The following MPP4 variants were observed in gnomAD, a reference collection of about 807,000 sequenced individuals.
The protein encoded by MPP4 is MAGUK p55 subfamily member 4.
A neutral mutation model predicts 98.3 loss-of-function variants in MPP4; 91 were observed. The observed-to-expected ratio is 0.93, with a 90% CI of 0.78 to 1.10. MPP4 has a LOEUF of 1.10. MPP4 is among the 50% of genes least tolerant of loss of function. MPP4 has a pLI of 0.00. For synonymous variants in MPP4, 261 were observed against 271.8 expected, an observed-to-expected ratio of 0.96 and a Z score of 0.39; for missense variants, 744 against 792.9, an observed-to-expected ratio of 0.94 and a Z score of 0.74.
chr2:201,680,612 A>G (rs1688638346), intron 10 of MPP4: 1 of 495,364 alleles, frequency 2.0e-6, no homozygotes, highest in African/African-American at 1.9e-5. Context: ...TTAGTTTCCC[A>G]AGACTTTTCC....
intron 2 of MPP4, 97 bp downstream of exon 2, chr2:201,693,779 C>G: frequency 7.0e-7 from 1 of 1,421,772 alleles, no homozygotes; most frequent in Non-Finnish European, 9.9e-7. Context: ...TCATAGGGAT[C>G]ACAGTAAGTC....
At position 201,681,551 on chromosome 2, in the gene MPP4, G is replaced by C; in HGVS notation, c.677C>G (p.Thr226Arg). The change falls in exon 9 of 22, where the codon ACA becomes AGA. Residue 226 changes from threonine to arginine, a missense_variant. By Grantham distance (71) the Thr-to-Arg change is moderately conservative. Coordinates refer to ENST00000409474, the MANE Select transcript of MPP4 (RefSeq NM_033066.3). ...GACTGGAACCACCTTGAACATGATTGTGCCTCGAGACATGGCCTGGAAAAT... is the reference window on the plus strand; with the variant it reads ...GACTGGAACCACCTTGAACATGATTCTGCCTCGAGACATGGCCTGGAAAAT... ...VIHILAMSRG[T>R]IMFKVVPVSD... 6.2e-7 allele frequency: 1 copy of C among 1,613,616 alleles called. No homozygotes were observed. Among genetic ancestry groups the C allele is most frequent in the African/African-American group, 1.3e-5 (1 of 74,960 alleles).
chr2:201,683,315 T>A (rs749165810), intron 7 of MPP4, among the ~76,000 whole-genome samples: 1 of 152,154 alleles, frequency 6.6e-6, no homozygotes, highest in African/African-American at 2.4e-5. Flanking sequence ...AAGTGAAGAC[T>A]TGAGAAATGT....
intron 19 of MPP4, 73 bp from the exon 20 acceptor site, chr2:201,649,757 A>G: frequency 1.0e-6 from 1 of 981,270 alleles, no homozygotes; most frequent in Non-Finnish European, 1.6e-6. Flanking sequence ...ATGAGGATAA[A>G]CTGCACTAGA....
intron 4 of MPP4, among the ~76,000 whole-genome samples, chr2:201,689,353 G>T (rs963901859): frequency 6.6e-6 from 1 of 152,108 alleles, no homozygotes; most frequent in African/African-American, 2.4e-5. Context: ...CAAAAAAAGA[G>T]CTTTGGTGTT....
At chr2:201,648,925 A>G (rs1486180854) in intron 20 of MPP4, among the ~76,000 whole-genome samples, 2 of 152,186 alleles carry the variant, frequency 1.3e-5, no homozygotes, top group African/African-American at 2.4e-5. Flanking sequence ...TTAACCAGGC[A>G]TGGTGGCTTG....
At chr2:201,697,738 C>G (rs1469021663) in intron 1 of MPP4, among the ~76,000 whole-genome samples, 2 of 152,318 alleles carry the variant, frequency 1.3e-5, no homozygotes, top group African/African-American at 4.8e-5. Flanking sequence ...CTTTCCCTAT[C>G]AAACTTTAAA....
At chr2:201,672,370 T>C (rs1688367135) in intron 11 of MPP4, among the ~76,000 whole-genome samples, 1 of 152,008 alleles carries the variant, frequency 6.6e-6, no homozygotes, top group African/African-American at 2.4e-5. Context: ...TTCAAAAATC[T>C]AGCAGAAGAC....
intron 5 of MPP4, among the ~76,000 whole-genome samples, chr2:201,687,015 A>AT (rs1688857907): frequency 6.6e-6 from 1 of 152,174 alleles, no homozygotes; most frequent in African/African-American, 2.4e-5. Flanking sequence ...GCTACCCAAG[A>AT]TTTTTGGATG....
chr2:201,677,247 T>C (rs1249322450), intron 10 of MPP4, among the ~76,000 whole-genome samples: 2 of 152,164 alleles, frequency 1.3e-5, no homozygotes, highest in African/African-American at 4.8e-5. Flanking sequence ...TCTTACAAAA[T>C]GCTATCCTGT....
intron 7 of MPP4, among the ~76,000 whole-genome samples, chr2:201,684,433 T>C (rs1326376886): frequency 6.6e-6 from 1 of 152,174 alleles, no homozygotes; most frequent in East Asian, 1.9e-4. Flanking sequence ...GTTAGTTTCA[T>C]AATCTCTTTG....
chr2:201,652,255 TG>T (rs1428084189), intron 18 of MPP4, among the ~76,000 whole-genome samples: 2 of 151,754 alleles, frequency 1.3e-5, no homozygotes, highest in African/African-American at 4.8e-5. Context: ...GTTCAGGAGT[TG>T]GAGAACAGAC....
At chr2:201,685,265 C>CT (rs1390702632) in intron 6 of MPP4, 120 bp from the exon 7 acceptor site, 6 of 186,542 alleles carry the variant, frequency 3.2e-5, no homozygotes, top group Non-Finnish European at 1.7e-5. Context: ...TCAATCAATG[C>CT]AGCTCTGGTC....
intron 1 of MPP4, among the ~76,000 whole-genome samples, chr2:201,697,152 C>A (rs991559744): frequency 6.6e-5 from 10 of 152,190 alleles, no homozygotes; most frequent in Non-Finnish European, 1.2e-4. Context: ...CATCTGAAAG[C>A]CAGGAAGAGA....
At position 201,692,778 on chromosome 2, in the gene MPP4, G is replaced by A; in HGVS notation, c.201+130C>T. On this transcript the variant is annotated intron_variant, in intron 3 of 21. Transcript: ENST00000409474. ...TTTGGACTTCCTGGCCTACAGAACT[G>A]TGAGATATCAATTTCTGTTGTTTAT... 3.0e-6 allele frequency: 4 copies of A among 1,346,280 alleles called. No homozygotes were observed. The South Asian group carries it at 4.3e-5, about 14-fold the overall frequency. The allele number at this position is 1,346,280 out of a possible 1,614,324, so 83.4% of individuals were successfully genotyped here.
intron 12 of MPP4, among the ~76,000 whole-genome samples, chr2:201,668,108 T>C (rs566084475): frequency 1.1e-3 from 163 of 152,310 alleles, no homozygotes; most frequent in Non-Finnish European, 1.9e-3. Flanking sequence ...TTCATTTTTA[T>C]TTTACAGAGG....
chr2:201,695,776 T>C (rs1355736914), intron 1 of MPP4, among the ~76,000 whole-genome samples: 1 of 152,192 alleles, frequency 6.6e-6, no homozygotes, highest in African/African-American at 2.4e-5. Flanking sequence ...GCATGCAACA[T>C]GTATACCTTC....
chr2:201,658,449 A>ACC (rs1687920973), intron 16 of MPP4, 28 bp downstream of exon 16: 2 of 1,597,352 alleles, frequency 1.3e-6, no homozygotes, highest in Admixed American at 3.4e-5. Context: ...AGTGACAGAG[A>ACC]CCCACCTCTT....
intron 5 of MPP4, 72 bp downstream of exon 5, chr2:201,687,219 C>T: frequency 8.1e-7 from 1 of 1,229,328 alleles, no homozygotes; most frequent in Non-Finnish European, 1.2e-6. Context: ...TTTTCCATCA[C>T]ATATATTTCT....
Sources: gnomAD v4.1 joint callset for allele counts (sites outside exome capture counted in the v4.1 genomes callset) on GRCh38, gnomAD v4.1.1 for gene constraint, MANE v1.5 for transcripts, NCBI Gene and HGNC (gene_info 2026-07-23, HGNC 2026-07-21) for gene names.